GPR15: variants seen among roughly 807,000 people sequenced by gnomAD.
GPR15 encodes the protein G protein-coupled receptor 15.
GPR15 carries 16 observed loss-of-function variants against 19.3 expected under a neutral mutation model. The observed-to-expected ratio is 0.83, with a 90% CI of 0.56 to 1.26. The LOEUF (loss-of-function observed/expected upper bound fraction) is 1.26, where lower values mean the gene tolerates loss of function less well. GPR15 is among the 50% of genes most tolerant of loss of function. The probability of loss-of-function intolerance (pLI) is 0.00; values close to 1 mark genes in which losing one functional copy is unlikely to be tolerated. For synonymous variants in GPR15, 170 were observed against 171.2 expected, an observed-to-expected ratio of 0.99 and a Z score of 0.05; for missense variants, 458 against 429.4, an observed-to-expected ratio of 1.07 and a Z score of -0.59.
In GPR15 at chr3:98,532,416, G is replaced by A; in HGVS notation, c.383G>A (p.Ser128Asn). 1 of 1,614,196 alleles carries A rather than the reference G, an allele frequency of 6.2e-7. No homozygotes were observed. The highest frequency in any genetic ancestry group is 1.7e-4 in the Middle Eastern group (1 of 6,060). ...HCSVLLLTCM[S>N]VDRYLAIVWP... ...AGTGTCCTCCTGCTCACTTGCATGAGTGTTGACCGCTACCTGGCCATTGTG... is the reference window on the plus strand; with the variant it reads ...AGTGTCCTCCTGCTCACTTGCATGAATGTTGACCGCTACCTGGCCATTGTG... The change falls in exon 1 of 1, where the codon AGT becomes AAT. Residue 128 changes from serine (S) to asparagine (N), a missense_variant. By Grantham distance (46) the Ser-to-Asn change is conservative. Transcript: ENST00000284311.
In GPR15 at chr3:98,534,418, T is replaced by C. The variant is rs1706681885; in HGVS notation, c.*1302T>C. The stretch of plus-strand genomic sequence containing the variant: ...ATTCAAGGGAAAGCGGGTTATGTTT[T>C]TACCTCCACTGTTGACTTGAATGAA... On this transcript the variant is annotated 3_prime_UTR_variant, in exon 1 of 1. Coordinates refer to ENST00000284311, the MANE Select transcript of GPR15 (RefSeq NM_005290.4). Among the ~76,000 whole-genome samples the C allele has an allele frequency of 6.6e-6, 1 of 152,216 alleles. No homozygotes were observed. The highest frequency in any genetic ancestry group is 2.4e-5 in the African/African-American group (1 of 41,460).
In GPR15 at chr3:98,532,322, G is replaced by C; in HGVS notation, c.289G>C (p.Gly97Arg). 6.2e-7 allele frequency: 1 copy of C among 1,614,106 alleles called. No homozygotes were observed. The highest frequency in any genetic ancestry group is 1.3e-5 in the African/African-American group (1 of 75,024). Residue 97 changes from glycine (G) to arginine (R), a missense_variant, in exon 1 of 1, where the codon GGA (glycine) becomes CGA (arginine). By Grantham distance (125) the Gly-to-Arg change is moderately radical (BLOSUM62 -2). Transcript: ENST00000284311. The part of the protein sequence containing the change: ...PLWVDKEASL[G>R]LWRTGSFLCK... ...CTGGGTGGATAAAGAAGCATCTCTA[G>C]GACTGTGGAGGACGGGCTCCTTCCT...
rs755052135 is a variant in GPR15, at chr3:98,532,419, T to C, written c.386T>C (p.Val129Ala). ...CSVLLLTCMSVDRYLAIVWPV... is the reference protein window; with the variant it reads ...CSVLLLTCMSADRYLAIVWPV... ...GTCCTCCTGCTCACTTGCATGAGTG[T>C]TGACCGCTACCTGGCCATTGTGTGG... is the stretch of plus-strand genomic sequence containing the variant. Residue 129 changes from valine to alanine, a missense_variant, in exon 1 of 1, where the codon GTT becomes GCT. Transcript: ENST00000284311. 23 of 1,614,072 alleles carry C rather than the reference T, an allele frequency of 1.4e-5. No individual in the cohort carries two copies. In the African/African-American group the frequency reaches 2.9e-4, roughly 21 times the overall value.
At position 98,532,008 on chromosome 3, in the gene GPR15, C is replaced by G. The variant is rs369630244; in HGVS notation, c.-26C>G. The G allele has an allele frequency of 1.3e-6, 2 of 1,572,096 alleles. No individual in the cohort carries two copies. The highest frequency in any genetic ancestry group is 1.7e-6 in the Non-Finnish European group (2 of 1,159,378). On this transcript the variant is annotated 5_prime_UTR_variant, in exon 1 of 1. Transcript: ENST00000284311. ...AAAACATCATATGTAAGTAAACTCA[C>G]CAGATTTGGCATCTGCTCTTTGGTG...
At position 98,534,012 on chromosome 3, in the gene GPR15, T is replaced by C. The variant is rs537735865; in HGVS notation, c.*896T>C. On this transcript the variant is annotated 3_prime_UTR_variant, in exon 1 of 1. Transcript: ENST00000284311. The stretch of plus-strand genomic sequence containing the variant: ...TATCAAATGAAAATGTTATTACTAA[T>C]ATAATTGGAACTCATAAAATGCTTA... Among the ~76,000 whole-genome samples, 29 of 152,318 alleles carry C rather than the reference T, an allele frequency of 1.9e-4. No individual in the cohort carries two copies. The highest frequency in any genetic ancestry group is 6.5e-4 in the African/African-American group (27 of 41,586).
rs1706654078 is a variant in GPR15 at position 98,532,543 on chromosome 3, G to T, written c.510G>T (p.Leu170=). The T allele has an allele frequency of 6.2e-7, 1 of 1,614,052 alleles. No individual in the cohort carries two copies. Among genetic ancestry groups the T allele is most frequent in the African/African-American group, 1.3e-5 (1 of 74,900 alleles). Residue 170 remains leucine (L), a synonymous_variant, in exon 1 of 1, where the codon CTG becomes CTT. Transcript: ENST00000284311. ...ISCLLGLPTL[L]SRELTLIDDK... ...GCCTGCTGGGGTTGCCTACTCTTCT[G>T]TCCAGGGAGCTCACGCTGATTGATG...
rs780343027 is a variant in GPR15, at chr3:98,532,805, A to T, written c.772A>T (p.Asn258Tyr). The change falls in exon 1 of 1, where the codon AAT (asparagine) becomes TAT (tyrosine). Residue 258 changes from asparagine to tyrosine, a missense_variant. By Grantham distance (143) the Asn-to-Tyr change is moderately radical (BLOSUM62 -2). Coordinates refer to ENST00000284311, the MANE Select transcript of GPR15 (RefSeq NM_005290.4). ...AAFLVSWLPF[N>Y]TFKFLAIVSG... ...CTTTCTTGTCTCCTGGCTGCCCTTC[A>T]ATACTTTCAAGTTCCTGGCCATTGT... 1 of 1,613,962 alleles carries T rather than the reference A, an allele frequency of 6.2e-7. No individual in the cohort carries two copies. The highest frequency in any genetic ancestry group is 1.7e-5 in the Admixed American group (1 of 60,022).
chr3:98,532,960 C>G lies in GPR15; in HGVS notation c.927C>G (p.Ile309Met), dbSNP rs767122622. ...TTTACTATATCTTCGACAGCTACAT[C>G]CGCCGGGCCATTGTCCACTGCTTGT... ...PFIYYIFDSY[I>M]RRAIVHCLCP... The change falls in exon 1 of 1, where the codon ATC (isoleucine) becomes ATG (methionine). Residue 309 changes from isoleucine (I) to methionine (M), a missense_variant. Transcript: ENST00000284311. The G allele has an allele frequency of 1.2e-6, 2 of 1,614,094 alleles. No individual in the cohort carries two copies. Among genetic ancestry groups the G allele is most frequent in the South Asian group, 2.2e-5 (2 of 91,070 alleles).
rs2107173871 is a variant in GPR15 at position 98,533,197 on chromosome 3, T to C, written c.*81T>C. On this transcript the variant is annotated 3_prime_UTR_variant, in exon 1 of 1. Coordinates refer to ENST00000284311, the MANE Select transcript of GPR15 (RefSeq NM_005290.4). ...GCAACAAAGAAGGAAGTGTTAATGATAGGATTCACATTGCTTCATAGATGC... is the reference window on the plus strand; with the variant it reads ...GCAACAAAGAAGGAAGTGTTAATGACAGGATTCACATTGCTTCATAGATGC... 3 of 1,397,672 alleles carry C rather than the reference T, an allele frequency of 2.1e-6. No homozygotes were observed. The highest frequency in any genetic ancestry group is 4.6e-5 in the East Asian group (2 of 43,520). 86.6% of individuals were successfully genotyped at this position (1,397,672 alleles called of 1,614,324 possible).
At position 98,532,859 on chromosome 3, in the gene GPR15, C is replaced by T. The variant is rs1163266619; in HGVS notation, c.826C>T (p.Pro276Ser). The change falls in exon 1 of 1, where the codon CCC (proline) becomes TCC (serine). Residue 276 changes from proline (P) to serine (S), a missense_variant. Transcript: ENST00000284311. ...VSGLRQEHYL[P>S]SAILQLGMEV... ...TGGGTTGCGGCAAGAACACTATTTA[C>T]CCTCAGCTATTCTTCAGCTTGGTAT... The T allele has an allele frequency of 3.7e-6, 6 of 1,613,972 alleles. No individual in the cohort carries two copies. The highest frequency in any genetic ancestry group is 1.3e-5 in the African/African-American group (1 of 74,928).
chr3:98,533,209 TG>T lies in GPR15; in HGVS notation c.*94del. 2 of 1,316,354 alleles carry T rather than the reference TG, an allele frequency of 1.5e-6. No homozygotes were observed. Among genetic ancestry groups the T allele is most frequent in the Middle Eastern group, 2.5e-4 (1 of 4,018 alleles). The allele number at this position is 1,316,354 out of a possible 1,614,324, so 81.5% of individuals were successfully genotyped here. A position where few individuals can be genotyped will look rare whatever the true frequency, so the allele number is the denominator to read the frequency against. On this transcript the variant is annotated 3_prime_UTR_variant, in exon 1 of 1. Transcript: ENST00000284311. ...GAAGTGTTAATGATAGGATTCACATTGCTTCATAGATGCAAGGAAGAGTTCA... is the reference window on the plus strand; with the variant it reads ...GAAGTGTTAATGATAGGATTCACATTCTTCATAGATGCAAGGAAGAGTTCA...
rs1706637926 is a variant in GPR15, at chr3:98,531,979, T to C, written c.-55T>C. On this transcript the variant is annotated 5_prime_UTR_variant, in exon 1 of 1. Coordinates refer to ENST00000284311, the MANE Select transcript of GPR15 (RefSeq NM_005290.4). The stretch of plus-strand genomic sequence containing the variant: ...GCTTCCTTGAGGTTTCTAAAATTTA[T>C]ACAAAAACATCATATGTAAGTAAAC... 8.5e-6 allele frequency: 13 copies of C among 1,521,518 alleles called. No individual in the cohort carries two copies. Among genetic ancestry groups the C allele is most frequent in the Non-Finnish European group, 1.1e-5 (13 of 1,134,248 alleles). 94.3% of individuals were successfully genotyped at this position (1,521,518 alleles called of 1,614,324 possible).
rs1401599509 is a variant in GPR15 at position 98,532,899 on chromosome 3, C to T, written c.866C>T (p.Pro289Leu). The change falls in exon 1 of 1, where the codon CCC becomes CTC. Residue 289 changes from proline (P) to leucine (L), a missense_variant. Transcript: ENST00000284311. Reference protein sequence around the residue: ...ILQLGMEVSGPLAFANSCVNP... With the variant: ...ILQLGMEVSGLLAFANSCVNP... ...CAGCTTGGTATGGAGGTGAGTGGAC[C>T]CTTGGCATTTGCCAACAGCTGTGTC... 1 of 1,613,994 alleles carries T rather than the reference C, an allele frequency of 6.2e-7. No individual in the cohort carries two copies. Among genetic ancestry groups the T allele is most frequent in the Non-Finnish European group, 8.5e-7 (1 of 1,180,044 alleles).
rs1285901324 is a variant in GPR15 at position 98,533,020 on chromosome 3, C to T, written c.987C>T (p.Ser329=). The T allele has an allele frequency of 6.2e-7, 1 of 1,613,904 alleles. No homozygotes were observed. The highest frequency in any genetic ancestry group is 8.5e-7 in the Non-Finnish European group (1 of 1,180,020). ...TGAAAAACTATGACTTTGGGAGTAG[C>T]ACTGAGACATCAGATAGTCACCTCA... ...PCLKNYDFGS[S]TETSDSHLTK... The change falls in exon 1 of 1, where the codon AGC becomes AGT. Residue 329 remains serine, a synonymous_variant. Coordinates refer to ENST00000284311, the MANE Select transcript of GPR15 (RefSeq NM_005290.4).
Position 98,532,801 on chromosome 3 carries a change from C to T in GPR15, c.768C>T (p.Pro256=), listed in dbSNP as rs1706658809. The T allele has an allele frequency of 6.2e-7, 1 of 1,613,898 alleles. No homozygotes were observed. Among genetic ancestry groups the T allele is most frequent in the African/African-American group, 1.3e-5 (1 of 74,894 alleles). ...VVAAFLVSWL[P]FNTFKFLAIV... Reference sequence around the variant, plus strand: ...CAGCCTTTCTTGTCTCCTGGCTGCCCTTCAATACTTTCAAGTTCCTGGCCA... The same window carrying T: ...CAGCCTTTCTTGTCTCCTGGCTGCCTTTCAATACTTTCAAGTTCCTGGCCA... Residue 256 remains proline (P), a synonymous_variant, in exon 1 of 1, where the codon CCC becomes CCT. Transcript: ENST00000284311.
In GPR15 at chr3:98,532,033, G is replaced by A. The variant is rs778153208; in HGVS notation, c.-1G>A. 5 of 1,602,700 alleles carry A rather than the reference G, an allele frequency of 3.1e-6. No homozygotes were observed. Among genetic ancestry groups the A allele is most frequent in the Middle Eastern group, 1.7e-4 (1 of 6,040 alleles). ...CCAGATTTGGCATCTGCTCTTTGGT[G>A]ATGGACCCAGAAGAAACTTCAGTTT... On this transcript the variant is annotated 5_prime_UTR_variant, in exon 1 of 1. Transcript: ENST00000284311.
Position 98,534,042 on chromosome 3 carries a change from T to TA in GPR15, c.*927dup, listed in dbSNP as rs1706677687. 6.6e-6 allele frequency among the ~76,000 whole-genome samples: 1 copy of TA among 152,206 alleles called. No individual in the cohort carries two copies. Among genetic ancestry groups the TA allele is most frequent in the Non-Finnish European group, 1.5e-5 (1 of 68,028 alleles). ...TTGGAACTCATAAAATGCTTAGCTG[T>TA]ACCCCGATGCAGATTATCATTTTGT... On this transcript the variant is annotated 3_prime_UTR_variant, in exon 1 of 1. Transcript: ENST00000284311.
At position 98,532,450 on chromosome 3, in the gene GPR15, C is replaced by A. The variant is rs748885044; in HGVS notation, c.417C>A (p.Val139=). 6 of 1,613,926 alleles carry A rather than the reference C, an allele frequency of 3.7e-6. No individual in the cohort carries two copies. The highest frequency in any genetic ancestry group is 4.5e-5 in the East Asian group (2 of 44,894). ...GCTACCTGGCCATTGTGTGGCCAGT[C>A]GTATCCAGGAAATTCAGAAGGACAG... ...VDRYLAIVWP[V]VSRKFRRTDC... The change falls in exon 1 of 1, where the codon GTC becomes GTA. Residue 139 remains valine (V), a synonymous_variant. Coordinates refer to ENST00000284311, the MANE Select transcript of GPR15 (RefSeq NM_005290.4).
In GPR15 at chr3:98,532,478, T is replaced by C. The variant is rs1413117903; in HGVS notation, c.445T>C (p.Cys149Arg). Residue 149 changes from cysteine to arginine, a missense_variant, in exon 1 of 1, where the codon TGT (cysteine) becomes CGT (arginine). Cys to Arg is a radical substitution (Grantham distance 180, BLOSUM62 -3). Coordinates refer to ENST00000284311, the MANE Select transcript of GPR15 (RefSeq NM_005290.4). ...VVSRKFRRTD[C>R]AYVVCASIWF... Reference sequence around the variant, plus strand: ...ATCCAGGAAATTCAGAAGGACAGACTGTGCATATGTAGTCTGTGCCAGCAT... The same window carrying C: ...ATCCAGGAAATTCAGAAGGACAGACCGTGCATATGTAGTCTGTGCCAGCAT... 6.2e-7 allele frequency: 1 copy of C among 1,614,046 alleles called. No homozygotes were observed. Among genetic ancestry groups the C allele is most frequent in the Non-Finnish European group, 8.5e-7 (1 of 1,180,022 alleles).
Sources: allele counts gnomAD v4.1 joint callset (sites outside exome capture counted in the v4.1 genomes callset), GRCh38; gene constraint gnomAD v4.1.1; transcripts MANE v1.5; gene names NCBI Gene and HGNC (gene_info 2026-07-23, HGNC 2026-07-21).